The following FARP1 variants were observed in gnomAD, a reference collection of about 807,000 sequenced individuals.
The protein encoded by FARP1 is FERM, ARH/RhoGEF and pleckstrin domain protein 1.
Under a neutral mutation model 128.8 loss-of-function variants are expected in FARP1, and 52 were observed. The ratio of observed to expected loss-of-function variants is 0.40; its 90% CI spans 0.32 to 0.51. The LOEUF is 0.51. Ranked by LOEUF, FARP1 falls within the 20% of genes least tolerant of loss-of-function variation. The pLI, the probability that FARP1 is intolerant of heterozygous loss-of-function variation, is 0.45. For missense variants in FARP1, 1,333 were observed against 1,367.9 expected, an observed-to-expected ratio of 0.97 and a Z score of 0.40; for synonymous variants, 580 against 551.8, an observed-to-expected ratio of 1.05 and a Z score of -0.72.
intron 2 of FARP1, among the ~76,000 whole-genome samples, chr13:98,324,603 G>GA (rs1052513319): frequency 1.3e-5 from 2 of 151,946 alleles, no homozygotes; most frequent in South Asian, 2.1e-4. Flanking sequence ...ACTATTTTCA[G>GA]AAAAAAAAGG....
In FARP1 at chr13:98,312,084, C is replaced by T. The variant is rs543362996; in HGVS notation, c.172-31678C>T. ...CTGGTCTTGAACTCCTTACCTAAGGCGATCTGCCTGCATTGACCTCCCAAA... is the reference window on the plus strand; with the variant it reads ...CTGGTCTTGAACTCCTTACCTAAGGTGATCTGCCTGCATTGACCTCCCAAA... On this transcript the variant is annotated intron_variant, in intron 2 of 26. Coordinates refer to ENST00000319562, the MANE Select transcript of FARP1 (RefSeq NM_005766.4). Among the ~76,000 whole-genome samples the T allele has an allele frequency of 9.1e-5, 13 of 143,640 alleles. No homozygotes were observed. The South Asian group carries it at 1.4e-3, about 15-fold the overall frequency. The allele number at this position is 143,640 out of a possible 152,430, so 94.2% of individuals were successfully genotyped here.
intron 2 of FARP1, among the ~76,000 whole-genome samples, chr13:98,257,805 A>G (rs1383714735): frequency 6.6e-6 from 1 of 152,120 alleles, no homozygotes; most frequent in Non-Finnish European, 1.5e-5. Flanking sequence ...ACCCTCATTG[A>G]TGTGTGGCTA....
rs56376512 is a variant in FARP1 at position 98,349,672 on chromosome 13, GAAAAAAAAAAAAA to G, written c.276+5824_276+5836del. Among the ~76,000 whole-genome samples the G allele has an allele frequency of 1.6e-3, 95 of 59,850 alleles. 1 individual carries two copies. Among genetic ancestry groups the G allele is most frequent in the Middle Eastern group, 0.01 (1 of 96 alleles). 39.3% of individuals were successfully genotyped at this position (59,850 alleles called of 152,430 possible). A position where few individuals can be genotyped will look rare whatever the true frequency, so the allele number is the denominator to read the frequency against. On this transcript the variant is annotated intron_variant, in intron 3 of 26. Transcript: ENST00000319562. ...GCGACAGAGCAAGACCCATCTCAGG[GAAAAAAAAAAAAA>G]AAAAAAAAAAAAAAAAAGACAATGC...
chr13:98,258,425 A>T (rs1405777188), intron 2 of FARP1, among the ~76,000 whole-genome samples: 1 of 152,220 alleles, frequency 6.6e-6, no homozygotes, highest in Non-Finnish European at 1.5e-5. Flanking sequence ...GAGTTATATC[A>T]AAATGTCCTG....
intron 1 of FARP1, among the ~76,000 whole-genome samples, chr13:98,186,991 CAAAAAAAAAA>C (rs33992037): frequency 0.014 from 675 of 47,842 alleles, 11 homozygotes; most frequent in Middle Eastern, 0.052. Context: ...GATTCTGTCT[CAAAAAAAAAA>C]AAAAAAAAAA....
At chr13:98,282,026 C>CG (rs1884959967) in intron 2 of FARP1, among the ~76,000 whole-genome samples, 1 of 152,280 alleles carries the variant, frequency 6.6e-6, no homozygotes, top group African/African-American at 2.4e-5. Flanking sequence ...ATGATGAGGC[C>CG]GGGCGCAGTG....
chr13:98,313,109 TAC>T (rs10565192), intron 2 of FARP1, among the ~76,000 whole-genome samples: 3,671 of 138,270 alleles, frequency 0.027, 85 homozygotes, highest in African/African-American at 0.055. Flanking sequence ...TGGGTCATAA[TAC>T]ACACACACAC....
At chr13:98,253,136 G>T (rs1249590500) in intron 2 of FARP1, among the ~76,000 whole-genome samples, 1 of 152,218 alleles carries the variant, frequency 6.6e-6, no homozygotes, top group Non-Finnish European at 1.5e-5. Flanking sequence ...AGCCAAGTTT[G>T]TCCAGCAAGG....
intron 3 of FARP1, among the ~76,000 whole-genome samples, chr13:98,358,308 G>A (rs1259255285): frequency 6.6e-6 from 1 of 152,046 alleles, no homozygotes; most frequent in Non-Finnish European, 1.5e-5. Context: ...CAAGGCAGCA[G>A]GCTGGGGCGC....
intron 2 of FARP1, chr13:98,245,346 G>A (rs146098153): frequency 3.0e-6 from 3 of 985,470 alleles, no homozygotes; most frequent in Admixed American, 6.1e-5. Context: ...CACTTTGTGG[G>A]ATGTTTATGT....
At chr13:98,201,101 T>C (rs770958845) in intron 1 of FARP1, among the ~76,000 whole-genome samples, 5 of 152,200 alleles carry the variant, frequency 3.3e-5, no homozygotes, top group Admixed American at 6.5e-5. Flanking sequence ...ATTTCCCTGC[T>C]GTATTTTTGT....
At chr13:98,160,757 G>A (rs915881143) in intron 1 of FARP1, among the ~76,000 whole-genome samples, 4 of 152,132 alleles carry the variant, frequency 2.6e-5, no homozygotes, top group East Asian at 1.9e-4. Flanking sequence ...TCCACTTCCC[G>A]GTTCAAGTGA....
chr13:98,435,566 TC>T lies in FARP1; in HGVS notation c.2144-8del. The stretch of plus-strand genomic sequence containing the variant: ...TCCCGCTGCAGACTGTGTATGTCTT[TC>T]CTTCACAGCCGCTTTGGCAGAGATC... On this transcript the variant is annotated splice_polypyrimidine_tract_variant and intron_variant, in intron 18 of 26. Coordinates refer to ENST00000319562, the MANE Select transcript of FARP1 (RefSeq NM_005766.4). 1 of 1,606,078 alleles carries T rather than the reference TC, an allele frequency of 6.2e-7. No homozygotes were observed. Among genetic ancestry groups the T allele is most frequent in the Non-Finnish European group, 8.5e-7 (1 of 1,175,530 alleles).
At chr13:98,172,400 G>A (rs1480661133) in intron 1 of FARP1, among the ~76,000 whole-genome samples, 1 of 152,006 alleles carries the variant, frequency 6.6e-6, no homozygotes, top group Non-Finnish European at 1.5e-5. Context: ...GACCAGCTAG[G>A]TTTCTGGTCT....
At position 98,225,526 on chromosome 13, in the gene FARP1, C is replaced by T. The variant is rs190946362; in HGVS notation, c.171+12113C>T. ...CATGAAACCAAGAGTGTTTCTTCTTCGTTTCCCTTCCTTTCCATTTTAAGG... is the reference window on the plus strand; with the variant it reads ...CATGAAACCAAGAGTGTTTCTTCTTTGTTTCCCTTCCTTTCCATTTTAAGG... On this transcript the variant is annotated intron_variant, in intron 2 of 26. Transcript: ENST00000319562. Among the ~76,000 whole-genome samples, 252 of 152,334 alleles carry T rather than the reference C, an allele frequency of 1.7e-3. 1 individual carries two copies. The highest frequency in any genetic ancestry group is 6.8e-4 in the Non-Finnish European group (46 of 68,030).
intron 19 of FARP1, chr13:98,437,999 G>C: frequency 3.0e-6 from 2 of 663,842 alleles, no homozygotes; most frequent in Non-Finnish European, 5.1e-6. Flanking sequence ...GCGCCTGAGG[G>C]AGCACGTTCT....
chr13:98,174,130 T>G (rs1877834279), intron 1 of FARP1, among the ~76,000 whole-genome samples: 1 of 152,252 alleles, frequency 6.6e-6, no homozygotes, highest in Non-Finnish European at 1.5e-5. Flanking sequence ...AGATTTTGTT[T>G]ACCCACTCTA....
chr13:98,272,684 G>A (rs56096505), intron 2 of FARP1, among the ~76,000 whole-genome samples: 1 of 152,144 alleles, frequency 6.6e-6, no homozygotes, highest in African/African-American at 2.4e-5. Context: ...AGGATCAAAG[G>A]GGGTGTCAGA....
intron 2 of FARP1, among the ~76,000 whole-genome samples, chr13:98,261,208 G>A (rs765271935): frequency 7.9e-5 from 12 of 152,244 alleles, no homozygotes; most frequent in South Asian, 6.2e-4. Flanking sequence ...GGTGAGGCCT[G>A]AGGCAGCGAG....
Sources: gnomAD v4.1 joint callset for allele counts (sites outside exome capture counted in the v4.1 genomes callset) on GRCh38, gnomAD v4.1.1 for gene constraint, MANE v1.5 for transcripts, NCBI Gene and HGNC (gene_info 2026-07-23, HGNC 2026-07-21) for gene names.